Variants in MYO5B observed in about 807,000 individuals in gnomAD.
The protein encoded by MYO5B is unconventional myosin-Vb.
MYO5B carries 143 observed loss-of-function variants against 229.3 expected under a neutral mutation model. That is an observed-to-expected ratio of 0.62 (90% confidence interval 0.54 to 0.72). The LOEUF (loss-of-function observed/expected upper bound fraction) is 0.72, where lower values mean the gene tolerates loss of function less well. Ranked by LOEUF, MYO5B falls within the 30% of genes least tolerant of loss-of-function variation. The pLI, the probability that MYO5B is intolerant of heterozygous loss-of-function variation, is 0.00. For missense variants in MYO5B, 2,321 were observed against 2,331.0 expected (o/e 1.00, Z 0.09); for synonymous variants, 918 against 885.2 (o/e 1.04, Z -0.66).
intron 1 of MYO5B, among the ~76,000 whole-genome samples, chr18:50,175,498 C>A (rs1377679393): frequency 1.3e-5 from 2 of 152,214 alleles, no homozygotes; most frequent in Non-Finnish European, 1.5e-5. Flanking sequence ...AGTTGGAAAC[C>A]TATTTCTTTA....
chr18:50,163,061 T>C (rs1019719656), intron 1 of MYO5B, among the ~76,000 whole-genome samples: 4 of 152,244 alleles, frequency 2.6e-5, no homozygotes, highest in African/African-American at 9.6e-5. Context: ...AATGACTTCG[T>C]GAAGTATAGT....
At chr18:49,900,170 CACA>C (rs1157684086) in intron 21 of MYO5B, among the ~76,000 whole-genome samples, 2 of 152,224 alleles carry the variant, frequency 1.3e-5, no homozygotes, top group Non-Finnish European at 2.9e-5. Flanking sequence ...AAGGTTAACT[CACA>C]ACATTTGACT....
At chr18:49,827,920 G>A (rs991950731) in intron 39 of MYO5B, among the ~76,000 whole-genome samples, 3 of 152,068 alleles carry the variant, frequency 2.0e-5, no homozygotes, top group Non-Finnish European at 4.4e-5. Flanking sequence ...AGTCTTGAAG[G>A]CAGTGAGAAA....
intron 4 of MYO5B, among the ~76,000 whole-genome samples, chr18:50,004,705 G>T (rs943500668): frequency 3.3e-5 from 5 of 152,146 alleles, no homozygotes; most frequent in Admixed American, 2.6e-4. Context: ...GAGTCCAAAG[G>T]CTATGATAAG....
intron 32 of MYO5B, 32 bp downstream of exon 32, chr18:49,849,535 T>C (rs2024172780): frequency 1.3e-6 from 2 of 1,509,344 alleles, no homozygotes; most frequent in African/African-American, 1.4e-5. Context: ...ATACCTGTGA[T>C]TCACAAAACA....
chr18:49,996,823 G>A (rs941541328), intron 5 of MYO5B, among the ~76,000 whole-genome samples: 5 of 152,144 alleles, frequency 3.3e-5, no homozygotes, highest in Non-Finnish European at 7.3e-5. Context: ...AATATAGTGT[G>A]GACAAAGGGA....
intron 17 of MYO5B, among the ~76,000 whole-genome samples, chr18:49,914,241 C>T (rs1236484229): frequency 1.3e-5 from 2 of 152,174 alleles, no homozygotes; most frequent in Admixed American, 6.5e-5. Context: ...GGGCTTGTGC[C>T]GGTTCCTGCA....
At chr18:50,102,956 C>G (rs2031684023) in intron 1 of MYO5B, among the ~76,000 whole-genome samples, 1 of 152,100 alleles carries the variant, frequency 6.6e-6, no homozygotes, top group Non-Finnish European at 1.5e-5. Flanking sequence ...AGTCCTTCCC[C>G]CAAAGGAGAA....
In MYO5B at chr18:49,826,222, T is replaced by G. The variant is rs1037235612; in HGVS notation, c.*249A>C. On this transcript the variant is annotated 3_prime_UTR_variant, in exon 40 of 40. Transcript: ENST00000285039. ...GGGACTGCTTGGTGTCTATAAATTA[T>G]GTATATGTGTTGGACTGAAATCAAA... The G allele has an allele frequency of 4.1e-6, 2 of 489,890 alleles. No individual in the cohort carries two copies. Among genetic ancestry groups the G allele is most frequent in the African/African-American group, 3.9e-5 (2 of 51,168 alleles). The allele number at this position is 489,890 out of a possible 1,614,324, so 30.3% of individuals were successfully genotyped here. A position where few individuals can be genotyped will look rare whatever the true frequency, so the allele number is the denominator to read the frequency against.
intron 25 of MYO5B, among the ~76,000 whole-genome samples, 174 bp downstream of exon 25, chr18:49,877,589 A>G (rs1393414956): frequency 2.0e-5 from 3 of 152,238 alleles, no homozygotes; most frequent in Non-Finnish European, 4.4e-5. Context: ...TGTTAACTCC[A>G]GAGAACTGTC....
At position 49,974,798 on chromosome 18, in the gene MYO5B, G is replaced by GACACACAGACACACACAC. The variant is rs1460518712; in HGVS notation, c.1057-184_1057-183insGTGTGTGTGTCTGTGTGT. On this transcript the variant is annotated intron_variant, in intron 9 of 39. Coordinates refer to ENST00000285039, the MANE Select transcript of MYO5B (RefSeq NM_001080467.3). Reference sequence around the variant, plus strand: ...TCTCTCTCACACACACACACACACAGACACACACACACACACACACACACA... The same window carrying GACACACAGACACACACAC: ...TCTCTCTCACACACACACACACACAGACACACAGACACACACACACACACACACACACACACACACACA... Among the ~76,000 whole-genome samples, 262 of 131,102 alleles carry GACACACAGACACACACAC rather than the reference G, an allele frequency of 2.0e-3. 2 individuals carry two copies. The highest frequency in any genetic ancestry group is 7.0e-3 in the African/African-American group (249 of 35,634). The allele number at this position is 131,102 out of a possible 152,430, so 86.0% of individuals were successfully genotyped here.
At chr18:49,994,102 T>C (rs2025961323) in intron 5 of MYO5B, among the ~76,000 whole-genome samples, 2 of 152,148 alleles carry the variant, frequency 1.3e-5, no homozygotes, top group African/African-American at 4.8e-5. Context: ...GGTCTCAGCA[T>C]CGATGTCGCT....
intron 39 of MYO5B, among the ~76,000 whole-genome samples, 164 bp downstream of exon 39, chr18:49,835,180 T>TA (rs2023972865): frequency 6.6e-6 from 1 of 152,214 alleles, no homozygotes; most frequent in Admixed American, 6.5e-5. Flanking sequence ...TCATGGGTGA[T>TA]ACGGTTCATG....
At chr18:49,906,144 GT>G (rs1164123178) in intron 19 of MYO5B, among the ~76,000 whole-genome samples, 2 of 152,168 alleles carry the variant, frequency 1.3e-5, no homozygotes, top group African/African-American at 4.8e-5. Context: ...AGGGGAAATG[GT>G]TGGTTTGTGG....
In MYO5B at chr18:49,984,753, T is replaced by C; in HGVS notation, c.911A>G (p.Asp304Gly). Residue 304 changes from aspartate (D) to glycine (G), a missense_variant, in exon 8 of 40, where the codon GAC (aspartate) becomes GGC (glycine). Coordinates refer to ENST00000285039, the MANE Select transcript of MYO5B (RefSeq NM_001080467.3). ...TSIEGVDDAEDFEKTRQAFTL... is the reference protein window; with the variant it reads ...TSIEGVDDAEGFEKTRQAFTL... The stretch of plus-strand genomic sequence containing the variant: ...GAAGGCTTGTCGAGTCTTCTCAAAG[T>C]CCTCAGCATCGTCCACACCCTCGAT... The C allele has an allele frequency of 6.2e-7, 1 of 1,613,820 alleles. No homozygotes were observed.
chr18:50,055,224 T>TTG, intron 2 of MYO5B, 44 bp downstream of exon 2: 1 of 658,278 alleles, frequency 1.5e-6, no homozygotes, highest in South Asian at 1.5e-5. Context: ...CTGAGCTCCC[T>TTG]GCCCCACCTC....
intron 21 of MYO5B, among the ~76,000 whole-genome samples, chr18:49,902,145 C>T (rs529012240): frequency 5.3e-4 from 80 of 152,302 alleles, no homozygotes; most frequent in African/African-American, 1.8e-3. Flanking sequence ...GGGGTTGGCA[C>T]GGCTGCATTC....
At chr18:49,879,367 C>T (rs921861044) in intron 23 of MYO5B, 1 of 468,338 alleles carries the variant, frequency 2.1e-6, no homozygotes, top group Non-Finnish European at 3.9e-6. Context: ...GATGCCCCAG[C>T]CTCTCTTCTG....
At position 49,996,613 on chromosome 18, in the gene MYO5B, G is replaced by A. The variant is rs558632078; in HGVS notation, c.613-4182C>T. Reference sequence around the variant, plus strand: ...CTTTTCGATGCATACAGAAATACACGGTGAAATAAAAATGGACTGAAATAA... The same window carrying A: ...CTTTTCGATGCATACAGAAATACACAGTGAAATAAAAATGGACTGAAATAA... On this transcript the variant is annotated intron_variant, in intron 5 of 39. Transcript: ENST00000285039. Among the ~76,000 whole-genome samples the A allele has an allele frequency of 5.3e-5, 8 of 152,196 alleles. No individual in the cohort carries two copies. In the East Asian group the frequency reaches 9.7e-4, roughly 18 times the overall value.
Sources: gnomAD v4.1 joint callset for allele counts (sites outside exome capture counted in the v4.1 genomes callset) on GRCh38, gnomAD v4.1.1 for gene constraint, MANE v1.5 for transcripts, NCBI Gene and HGNC (gene_info 2026-07-23, HGNC 2026-07-21) for gene names.